The following NUP50 variants were observed in gnomAD, a reference collection of about 807,000 sequenced individuals.
NUP50 encodes nuclear pore complex protein Nup50.
In NUP50, 14 loss-of-function variants were observed where a neutral mutation model predicts 36.8. The ratio of observed to expected loss-of-function variants is 0.38; its 90% confidence interval spans 0.25 to 0.59. The LOEUF (loss-of-function observed/expected upper bound fraction) is 0.59. NUP50 is among the 20% of genes least tolerant of loss of function. NUP50 has a pLI of 0.63. For missense variants in NUP50, 455 were observed against 564.6 expected (o/e 0.81, Z 1.97); for synonymous variants, 195 against 210.8 (o/e 0.93, Z 0.65).
chr22:45,167,896 C>T (rs2074120375), intron 1 of NUP50, among the ~76,000 whole-genome samples: 1 of 151,764 alleles, frequency 6.6e-6, no homozygotes, highest in African/African-American at 2.4e-5. Context: ...TTAATTTTTC[C>T]AAATGGAGTC....
intron 2 of NUP50, chr22:45,171,135 G>A (rs1328556841): frequency 1.6e-6 from 2 of 1,232,804 alleles, no homozygotes; most frequent in Non-Finnish European, 2.1e-6. Context: ...GTGGCCTTTC[G>A]TACAGTGGGC....
chr22:45,174,148 C>T (rs188761459), intron 3 of NUP50, among the ~76,000 whole-genome samples: 1 of 150,480 alleles, frequency 6.6e-6, no homozygotes, highest in East Asian at 2.0e-4. Context: ...GGGGCTGTGT[C>T]AGTGCCCATG....
At chr22:45,183,742 G>T (rs1351626393) in intron 7 of NUP50, 1 of 472,520 alleles carries the variant, frequency 2.1e-6, no homozygotes, top group Non-Finnish European at 3.8e-6. Context: ...ATTTTCCTTT[G>T]TGTTAGAAAT....
intron 6 of NUP50, 112 bp downstream of exon 6, chr22:45,181,479 C>A: frequency 1.8e-6 from 1 of 558,752 alleles, no homozygotes; most frequent in Non-Finnish European, 3.1e-6. Flanking sequence ...CGGGGTCAAG[C>A]TTTGCCTGCT....
rs1211439386 is a variant in NUP50 at position 45,184,895 on chromosome 22, A to AT, written c.*246dup. ...TACATTTGAATGCAATTTTTGGAAG[A>AT]TTTTTTAATGTTCGTTTATTAAACT... On this transcript the variant is annotated 3_prime_UTR_variant, in exon 8 of 8. Transcript: ENST00000347635. 2.0e-5 allele frequency: 11 copies of AT among 544,220 alleles called. No individual in the cohort carries two copies. Among genetic ancestry groups the AT allele is most frequent in the Non-Finnish European group, 3.0e-5 (9 of 301,636 alleles). The allele number at this position is 544,220 out of a possible 1,614,324, so 33.7% of individuals were successfully genotyped here. A position where few individuals can be genotyped will look rare whatever the true frequency, so the allele number is the denominator to read the frequency against.
At position 45,183,458 on chromosome 22, in the gene NUP50, T is replaced by G; in HGVS notation, c.1142T>G (p.Leu381Arg). 3.1e-6 allele frequency: 5 copies of G among 1,612,176 alleles called. No individual in the cohort carries two copies. Among genetic ancestry groups the G allele is most frequent in the Non-Finnish European group, 4.2e-6 (5 of 1,179,170 alleles). Residue 381 changes from leucine to arginine, a missense_variant, in exon 7 of 8, where the codon CTG (leucine) becomes CGG (arginine). Coordinates refer to ENST00000347635, the MANE Select transcript of NUP50 (RefSeq NM_007172.4). ...TTTAAAGAGAAAGGCATAGGTACTC[T>G]GCATTTAAAACCTACAGCAAATCAG... is the stretch of plus-strand genomic sequence containing the variant. ...NEFKEKGIGT[L>R]HLKPTANQKT...
intron 5 of NUP50, chr22:45,179,273 A>AC: frequency 5.5e-6 from 1 of 183,178 alleles, no homozygotes; most frequent in East Asian, 1.5e-4. Context: ...ATTTGTACTT[A>AC]GGAGATCTCA....
chr22:45,175,620 T>G (rs1006879624), intron 3 of NUP50, among the ~76,000 whole-genome samples: 7 of 152,220 alleles, frequency 4.6e-5, no homozygotes, highest in Admixed American at 1.3e-4. Flanking sequence ...GCATTAGTCT[T>G]TCTTACCTTT....
At chr22:45,169,211 A>T (rs2074145391) in intron 2 of NUP50, among the ~76,000 whole-genome samples, 1 of 152,138 alleles carries the variant, frequency 6.6e-6, no homozygotes, top group Admixed American at 6.5e-5. Context: ...CCCCCAAAAA[A>T]TTGTTTTAAT....
chr22:45,172,797 C>T (rs901479748), intron 3 of NUP50, among the ~76,000 whole-genome samples: 4 of 152,168 alleles, frequency 2.6e-5, no homozygotes, highest in East Asian at 1.9e-4. Flanking sequence ...TTACAACAGC[C>T]AGTCACTCAG....
At chr22:45,181,748 C>G (rs568773448) in intron 6 of NUP50, among the ~76,000 whole-genome samples, 1 of 152,278 alleles carries the variant, frequency 6.6e-6, no homozygotes, top group South Asian at 2.1e-4. Context: ...CAGGTTTGGC[C>G]TCAGAAGGCA....
chr22:45,185,548 C>T lies in NUP50; in HGVS notation c.*893C>T, dbSNP rs1046479778. ...ACCCCACGCACATGAAAACTGTGAC[C>T]AAGTGACGTGCCTGGGAGCTTTGAC... On this transcript the variant is annotated 3_prime_UTR_variant, in exon 8 of 8. Transcript: ENST00000347635. 1 of 151,960 alleles carries T rather than the reference C, an allele frequency of 6.6e-6. No individual in the cohort carries two copies. The highest frequency in any genetic ancestry group is 6.6e-5 in the Admixed American group (1 of 15,238). 9.4% of individuals were successfully genotyped at this position (151,960 alleles called of 1,614,324 possible). A position where few individuals can be genotyped will look rare whatever the true frequency, so the allele number is the denominator to read the frequency against.
rs891152186 is a variant in NUP50 at position 45,184,954 on chromosome 22, G to GC, written c.*299_*300insC. On this transcript the variant is annotated 3_prime_UTR_variant, in exon 8 of 8. Transcript: ENST00000347635. The stretch of plus-strand genomic sequence containing the variant: ...GTGATTTCTTCAAGGACTGCAATCA[G>GC]GGTATCAATTTGCTTTCCCAAAGGC... The GC allele has an allele frequency of 1.0e-5, 4 of 397,012 alleles. No individual in the cohort carries two copies. Among genetic ancestry groups the GC allele is most frequent in the East Asian group, 5.8e-5 (1 of 17,122 alleles). The allele number at this position is 397,012 out of a possible 1,614,324, so 24.6% of individuals were successfully genotyped here.
intron 1 of NUP50, chr22:45,166,229 T>C (rs1341713958): frequency 1.3e-5 from 2 of 152,150 alleles, no homozygotes; most frequent in Admixed American, 6.5e-5. Context: ...ATTACAGTTT[T>C]TGTGTATTCA....
intron 3 of NUP50, among the ~76,000 whole-genome samples, chr22:45,173,675 A>G (rs1232924132): frequency 6.6e-6 from 1 of 152,158 alleles, no homozygotes; most frequent in Non-Finnish European, 1.5e-5. Context: ...TCCTACGAGG[A>G]GTGAGAAACA....
chr22:45,174,248 ACT>A (rs544614806), intron 3 of NUP50, among the ~76,000 whole-genome samples: 15 of 147,234 alleles, frequency 1.0e-4, no homozygotes, highest in South Asian at 6.4e-4. Context: ...CACAATCTTG[ACT>A]CTCTGCAACC....
chr22:45,166,808 A>G (rs1323721056), intron 1 of NUP50, among the ~76,000 whole-genome samples: 1 of 152,160 alleles, frequency 6.6e-6, no homozygotes, highest in Non-Finnish European at 1.5e-5. Context: ...GTGGACATTA[A>G]AAAGAGAGGG....
At chr22:45,168,944 C>T (rs1436305309) in intron 2 of NUP50, among the ~76,000 whole-genome samples, 2 of 148,106 alleles carry the variant, frequency 1.4e-5, no homozygotes, top group African/African-American at 5.0e-5. Flanking sequence ...CCCTGTTGCC[C>T]AGGCTGGAGT....
intron 1 of NUP50, chr22:45,166,283 C>CTTTTTTTTTTT (rs71190641): frequency 8.2e-6 from 1 of 121,944 alleles, no homozygotes; most frequent in Non-Finnish European, 1.6e-5. Context: ...TTTTCTTTTT[C>CTTTTTTTTTTT]TTTTTTTTTT....
Sources: gnomAD v4.1 joint callset for allele counts (sites outside exome capture counted in the v4.1 genomes callset) on GRCh38, gnomAD v4.1.1 for gene constraint, MANE v1.5 for transcripts, NCBI Gene and HGNC (gene_info 2026-07-23, HGNC 2026-07-21) for gene names.